ZNF487: variants seen among roughly 807,000 people sequenced by gnomAD.
The protein encoded by ZNF487 is KRAB domain only 1.
ZNF487 carries 4 observed loss-of-function variants against 3.0 expected under a neutral mutation model. That is an observed-to-expected ratio of 1.35 (90% CI 0.66 to 3.08). The LOEUF (loss-of-function observed/expected upper bound fraction) is 3.08, where lower values mean the gene tolerates loss of function less well. Among genes scored for constraint, ZNF487 ranks in the 30% most tolerant of loss-of-function variants. The pLI is 0.01. For missense variants in ZNF487, 146 were observed against 98.7 expected (o/e 1.48, Z -2.03); for synonymous variants, 55 against 34.6 (o/e 1.59, Z -2.06).
upstream of ZNF487, chr10:43,436,954 G>A (rs974746051): frequency 4.4e-6 from 2 of 458,422 alleles, no homozygotes; most frequent in East Asian, 7.7e-5. Context: ...CCGGCCAGCG[G>A]ACAAGAGGGC....
intron 1 of ZNF487, chr10:43,452,356 C>T (rs921203919): frequency 6.6e-6 from 1 of 152,146 alleles, no homozygotes; most frequent in Non-Finnish European, 1.5e-5. Context: ...CACTCCTTAA[C>T]CTTAATAACA....
At chr10:43,443,453 A>T (rs2132037169) in intron 1 of ZNF487, among the ~76,000 whole-genome samples, 1 of 149,036 alleles carries the variant, frequency 6.7e-6, no homozygotes, top group African/African-American at 2.5e-5. Context: ...GGCTCACTGA[A>T]ACCTCCCCCT....
At chr10:43,471,489 G>A (rs183142029) in intron 1 of ZNF487, among the ~76,000 whole-genome samples, 5 of 152,304 alleles carry the variant, frequency 3.3e-5, no homozygotes, top group Non-Finnish European at 5.9e-5. Context: ...AAGGGCCAGC[G>A]TGACAGTCTT....
intron 1 of ZNF487, among the ~76,000 whole-genome samples, chr10:43,472,774 GCCCTTTTCCTGGAGTATGTTT>G (rs1230074229): frequency 6.6e-6 from 1 of 152,052 alleles, no homozygotes; most frequent in Non-Finnish European, 1.5e-5. Context: ...TACCAAATGT[GCCCTTTTCCTGGAGTATGTTT>G]CCTAGGGAGC....
chr10:43,493,394 T>G, the ZNF487 span, among the ~76,000 whole-genome samples: 1 of 151,460 alleles, frequency 6.6e-6, no homozygotes, highest in Non-Finnish European at 1.5e-5. Context: ...TTTGAACTCT[T>G]TCTAAAAATA....
Position 43,481,458 on chromosome 10 carries a change from A to G in ZNF487, c.160A>G (p.Lys54Glu). Reference sequence around the variant, plus strand: ...CTGCATAGATGATGACCTGATGGAGAAGAGACAGGAAAATCAAGACCAGCA... The same window carrying G: ...CTGCATAGATGATGACCTGATGGAGGAGAGACAGGAAAATCAAGACCAGCA... ...DCCIDDDLME[K>E]RQENQDQHLQ... is the part of the protein sequence containing the mutation. Residue 54 changes from lysine (K) to glutamate (E), a missense_variant, in exon 4 of 4, where the codon AAG becomes GAG. By Grantham distance (56) the Lys-to-Glu change is moderately conservative. Coordinates refer to ENST00000437590, the MANE Select transcript of ZNF487 (RefSeq NM_001355444.3). 1.4e-6 allele frequency: 1 copy of G among 716,814 alleles called. No individual in the cohort carries two copies. The highest frequency in any genetic ancestry group is 2.6e-6 in the Non-Finnish European group (1 of 384,946). 44.4% of individuals were successfully genotyped at this position (716,814 alleles called of 1,614,324 possible).
intron 1 of ZNF487, among the ~76,000 whole-genome samples, chr10:43,442,242 A>G (rs1217055746): frequency 1.4e-5 from 2 of 145,244 alleles, no homozygotes; most frequent in African/African-American, 2.7e-5. Context: ...TCTCTAAAAC[A>G]ACAACAACAA....
chr10:43,442,048 C>T (rs950134643), intron 1 of ZNF487, among the ~76,000 whole-genome samples: 1 of 152,000 alleles, frequency 6.6e-6, no homozygotes, highest in Admixed American at 6.6e-5. Flanking sequence ...TGTAGCTAAC[C>T]CTGTCTGTAC....
the ZNF487 span, among the ~76,000 whole-genome samples, chr10:43,503,940 C>G: frequency 1.3e-5 from 2 of 152,086 alleles, no homozygotes; most frequent in African/African-American, 2.4e-5. Context: ...ACTTACTATG[C>G]CTTTTCTATG....
At chr10:43,494,765 C>CAAAAAAAAAAAAAAAAAA in the ZNF487 span, among the ~76,000 whole-genome samples, 2 of 35,790 alleles carry the variant, frequency 5.6e-5, no homozygotes, top group African/African-American at 9.3e-5. Context: ...ACTAAAAATA[C>CAAAAAAAAAAAAAAAAAA]AAAAAAAAAA....
chr10:43,465,676 C>A (rs1484978961), intron 1 of ZNF487, among the ~76,000 whole-genome samples: 1 of 150,984 alleles, frequency 6.6e-6, no homozygotes, highest in African/African-American at 2.5e-5. Context: ...GGATGGCGGG[C>A]GGGCAGAGAC....
At chr10:43,446,186 T>G (rs1394882798) in intron 1 of ZNF487, among the ~76,000 whole-genome samples, 1 of 152,192 alleles carries the variant, frequency 6.6e-6, no homozygotes, top group Non-Finnish European at 1.5e-5. Context: ...CTCAATGAGC[T>G]GTTGGGTACA....
chr10:43,519,079 T>C, the ZNF487 span, among the ~76,000 whole-genome samples: 2 of 149,478 alleles, frequency 1.3e-5, no homozygotes, highest in African/African-American at 2.5e-5. Context: ...ATCTTCTAGC[T>C]CTCTCAAAAA....
At position 43,481,442 on chromosome 10, in the gene ZNF487, T is replaced by G; in HGVS notation, c.144T>G (p.Asp48Glu). The G allele has an allele frequency of 1.4e-6, 1 of 714,548 alleles. No individual in the cohort carries two copies. Among genetic ancestry groups the G allele is most frequent in the South Asian group, 1.5e-5 (1 of 66,596 alleles). 44.3% of individuals were successfully genotyped at this position (714,548 alleles called of 1,614,324 possible). The change falls in exon 4 of 4, where the codon GAT (aspartate) becomes GAG (glutamate). Residue 48 changes from aspartate (D) to glutamate (E), a missense_variant. Transcript: ENST00000437590. ...PSQSHLDCCI[D>E]DDLMEKRQEN... is the part of the protein sequence containing the mutation. ...TATTATTTCTAGACTGCTGCATAGA[T>G]GATGACCTGATGGAGAAGAGACAGG...
intron 1 of ZNF487, among the ~76,000 whole-genome samples, chr10:43,473,485 C>T (rs921406052): frequency 2.0e-5 from 3 of 151,946 alleles, no homozygotes; most frequent in African/African-American, 2.4e-5. Flanking sequence ...AAGATAAGCC[C>T]ATTTATAATT....
the ZNF487 span, among the ~76,000 whole-genome samples, chr10:43,520,455 T>G: frequency 5.3e-5 from 8 of 152,204 alleles, no homozygotes; most frequent in Non-Finnish European, 8.8e-5. Flanking sequence ...TCCAAGAAAT[T>G]GTGATGCATG....
At chr10:43,448,681 G>A (rs1016956613) in intron 1 of ZNF487, among the ~76,000 whole-genome samples, 2 of 152,058 alleles carry the variant, frequency 1.3e-5, no homozygotes, top group African/African-American at 2.4e-5. Context: ...GCTGGGCGCG[G>A]TGGCGCACAC....
At chr10:43,498,406 G>A in the ZNF487 span, among the ~76,000 whole-genome samples, 23 of 149,794 alleles carry the variant, frequency 1.5e-4, no homozygotes, top group South Asian at 4.3e-3. Context: ...AGCCTCCCAA[G>A]TAGTTGGGAT....
the ZNF487 span, among the ~76,000 whole-genome samples, chr10:43,494,885 C>T: frequency 3.5e-5 from 5 of 144,806 alleles, no homozygotes; most frequent in Admixed American, 7.1e-5. Context: ...TGCAGTGAGC[C>T]GAGATCACAC....
Sources: gnomAD v4.1 joint callset for allele counts (sites outside exome capture counted in the v4.1 genomes callset) on GRCh38, gnomAD v4.1.1 for gene constraint, MANE v1.5 for transcripts, NCBI Gene and HGNC (gene_info 2026-07-23, HGNC 2026-07-21) for gene names.